Variants in GPC6 observed in about 807,000 individuals in gnomAD.
GPC6 encodes the protein glypican-6.
In GPC6, 14 loss-of-function variants were observed where a neutral mutation model predicts 55.2. That is an observed-to-expected ratio of 0.25 (90% CI 0.17 to 0.40). The LOEUF is 0.40. GPC6 is among the 10% of genes least tolerant of loss of function. The pLI is 1.00. For synonymous variants in GPC6, 278 were observed against 259.6 expected, an observed-to-expected ratio of 1.07 and a Z score of -0.68; for missense variants, 641 against 708.5, an observed-to-expected ratio of 0.90 and a Z score of 1.08.
At chr13:93,360,786 T>C (rs1356275066) in intron 1 of GPC6, among the ~76,000 whole-genome samples, 1 of 151,912 alleles carries the variant, frequency 6.6e-6, no homozygotes, top group East Asian at 1.9e-4. Flanking sequence ...ATATATTCAA[T>C]AGGTTCACAG....
intron 1 of GPC6, among the ~76,000 whole-genome samples, chr13:93,442,169 T>A (rs1877829801): frequency 6.6e-6 from 1 of 152,116 alleles, no homozygotes; most frequent in South Asian, 2.1e-4. Flanking sequence ...GAAGAGTACA[T>A]TTAATCTGAT....
chr13:93,511,606 T>G (rs1335948848), intron 1 of GPC6, among the ~76,000 whole-genome samples: 1 of 152,090 alleles, frequency 6.6e-6, no homozygotes, highest in Admixed American at 6.6e-5. Context: ...AGTGATGTAA[T>G]GGAATACTTC....
At chr13:93,375,942 A>T (rs4001859) in intron 1 of GPC6, among the ~76,000 whole-genome samples, 65,248 of 152,138 alleles carry the variant, frequency 0.43, 15,400 homozygotes, top group Non-Finnish European at 0.56. Context: ...AACAATTTTT[A>T]AAAAATAAAA....
At chr13:93,750,824 C>T (rs992420055) in intron 2 of GPC6, among the ~76,000 whole-genome samples, 1 of 152,154 alleles carries the variant, frequency 6.6e-6, no homozygotes, top group Non-Finnish European at 1.5e-5. Context: ...TTTTAACTGC[C>T]TTGTTTCTGA....
chr13:93,750,279 C>G (rs571812513), intron 2 of GPC6, among the ~76,000 whole-genome samples: 2 of 152,268 alleles, frequency 1.3e-5, no homozygotes, highest in Admixed American at 1.3e-4. Context: ...TTTGGGAATT[C>G]TACTTGGCTA....
rs186997915 is a variant in GPC6, at chr13:94,000,250, A to C, written c.712-27479A>C. On this transcript the variant is annotated intron_variant, in intron 3 of 8. Coordinates refer to ENST00000377047, the MANE Select transcript of GPC6 (RefSeq NM_005708.5). ...CTGTACTCACTACTCTATTTCTAGC[A>C]CCTGACAAATACTTTGTATTCAATT... Among the ~76,000 whole-genome samples, 40 of 152,284 alleles carry C rather than the reference A, an allele frequency of 2.6e-4. No individual in the cohort carries two copies. The East Asian group carries it at 6.7e-3, about 26-fold the overall frequency.
At chr13:93,802,950 T>C (rs1003360830) in intron 2 of GPC6, among the ~76,000 whole-genome samples, 1 of 152,190 alleles carries the variant, frequency 6.6e-6, no homozygotes, top group African/African-American at 2.4e-5. Flanking sequence ...TATTCATGTA[T>C]CCACAGTCTG....
chr13:93,538,108 A>G (rs1594245994), intron 1 of GPC6, among the ~76,000 whole-genome samples: 2 of 152,328 alleles, frequency 1.3e-5, no homozygotes. Context: ...TGGAAACATA[A>G]GCTGGAACTA....
chr13:94,113,900 T>C (rs889162407), intron 4 of GPC6, among the ~76,000 whole-genome samples: 5 of 151,266 alleles, frequency 3.3e-5, no homozygotes, highest in Middle Eastern at 3.4e-3. Flanking sequence ...CACATGTCTG[T>C]AGTCCCAGCT....
chr13:93,687,312 A>G (rs979920696), intron 2 of GPC6, among the ~76,000 whole-genome samples: 9 of 152,068 alleles, frequency 5.9e-5, no homozygotes, highest in Non-Finnish European at 1.3e-4. Flanking sequence ...AATCTGGTTT[A>G]TATTAGGTTG....
chr13:93,562,331 A>C (rs150443963), intron 2 of GPC6, among the ~76,000 whole-genome samples: 1 of 152,294 alleles, frequency 6.6e-6, no homozygotes, highest in Non-Finnish European at 1.5e-5. Context: ...TGAAACAAAT[A>C]TAACATTTTA....
At chr13:94,124,102 T>G (rs915628674) in intron 4 of GPC6, among the ~76,000 whole-genome samples, 2 of 152,104 alleles carry the variant, frequency 1.3e-5, no homozygotes, top group Non-Finnish European at 2.9e-5. Context: ...AAATGTGACT[T>G]TATAGCCCCG....
At chr13:94,308,356 T>C (rs570408926) in intron 6 of GPC6, among the ~76,000 whole-genome samples, 1 of 152,336 alleles carries the variant, frequency 6.6e-6, no homozygotes, top group East Asian at 1.9e-4. Flanking sequence ...ATTTGAACCT[T>C]TTATAAAGGA....
intron 3 of GPC6, among the ~76,000 whole-genome samples, chr13:93,955,686 T>C (rs934534187): frequency 6.6e-6 from 1 of 152,180 alleles, no homozygotes; most frequent in African/African-American, 2.4e-5. Flanking sequence ...TCTAGTAACA[T>C]GTTCTTTGGA....
intron 6 of GPC6, among the ~76,000 whole-genome samples, chr13:94,336,737 T>C (rs186864156): frequency 6.6e-6 from 1 of 152,248 alleles, no homozygotes; most frequent in East Asian, 1.9e-4. Flanking sequence ...AATGTGAGCA[T>C]GTTTTAGGGA....
At chr13:93,785,182 T>A (rs547310361) in intron 2 of GPC6, among the ~76,000 whole-genome samples, 23 of 152,170 alleles carry the variant, frequency 1.5e-4, no homozygotes, top group African/African-American at 5.3e-4. Flanking sequence ...TCTGGCAGCA[T>A]CAGAAAACTA....
chr13:94,224,552 C>A (rs1890487766), intron 4 of GPC6, among the ~76,000 whole-genome samples: 1 of 151,806 alleles, frequency 6.6e-6, no homozygotes, highest in Admixed American at 6.6e-5. Flanking sequence ...GTCAGAAAGA[C>A]CCAAATCAGA....
chr13:93,882,124 A>G lies in GPC6; in HGVS notation c.711+51579A>G, dbSNP rs552083243. On this transcript the variant is annotated intron_variant, in intron 3 of 8. Coordinates refer to ENST00000377047, the MANE Select transcript of GPC6 (RefSeq NM_005708.5). ...TTTCTTTCGCGGATTTTAATTTTTT[A>G]TTTATATTTTTGTTTTTGTTTTATT... Among the ~76,000 whole-genome samples, 53 of 79,766 alleles carry G rather than the reference A, an allele frequency of 6.6e-4. 1 individual carries two copies. Among genetic ancestry groups the G allele is most frequent in the South Asian group, 1.4e-3 (4 of 2,818 alleles). The allele number at this position is 79,766 out of a possible 152,430, so 52.3% of individuals were successfully genotyped here. A position where few individuals can be genotyped will look rare whatever the true frequency, so the allele number is the denominator to read the frequency against.
chr13:94,056,993 G>A (rs933053594), intron 4 of GPC6, among the ~76,000 whole-genome samples: 1 of 152,160 alleles, frequency 6.6e-6, no homozygotes, highest in Non-Finnish European at 1.5e-5. Flanking sequence ...TTTCTATCAT[G>A]ACCACTCATA....
Sources: gnomAD v4.1 joint callset for allele counts (sites outside exome capture counted in the v4.1 genomes callset) on GRCh38, gnomAD v4.1.1 for gene constraint, MANE v1.5 for transcripts, NCBI Gene and HGNC (gene_info 2026-07-23, HGNC 2026-07-21) for gene names.